PAN3: variants seen among roughly 807,000 people sequenced by gnomAD.
PAN3 encodes poly(A) specific ribonuclease subunit PAN3, also known as PAN2-PAN3 deadenylation complex subunit PAN3.
A neutral mutation model predicts 96.2 loss-of-function variants in PAN3; 19 were observed. The observed-to-expected ratio is 0.20, with a 90% CI of 0.14 to 0.29. PAN3 has a LOEUF of 0.29. PAN3 is among the 10% of genes least tolerant of loss of function. The probability of loss-of-function intolerance (pLI) is 1.00; values close to 1 mark genes in which losing one functional copy is unlikely to be tolerated. For missense variants in PAN3, 882 were observed against 1,108.1 expected, an observed-to-expected ratio of 0.80 and a Z score of 2.90; for synonymous variants, 433 against 406.6, an observed-to-expected ratio of 1.06 and a Z score of -0.78.
chr13:28,262,351 A>G (rs1307991283), intron 9 of PAN3, among the ~76,000 whole-genome samples: 1 of 152,206 alleles, frequency 6.6e-6, no homozygotes, highest in Non-Finnish European at 1.5e-5. Context: ...AAAATTTCAT[A>G]AATAATACAG....
chr13:28,237,164 A>G (rs896057971), intron 6 of PAN3, among the ~76,000 whole-genome samples: 1 of 147,472 alleles, frequency 6.8e-6, no homozygotes, highest in East Asian at 2.0e-4. Context: ...AACATGGAAA[A>G]ATTAATGGAA....
At position 28,174,368 on chromosome 13, in the gene PAN3, T is replaced by C. The variant is rs1236949917; in HGVS notation, c.527T>C (p.Val176Ala). The C allele has an allele frequency of 6.2e-7, 1 of 1,613,194 alleles. No homozygotes were observed. The highest frequency in any genetic ancestry group is 8.5e-7 in the Non-Finnish European group (1 of 1,179,396). ...GGAGTCAATGGATTTGGAAGCCCTG[T>C]AGAAACAAAATATCCCCTGATGCAG... is the stretch of plus-strand genomic sequence containing the variant. ...FIGVNGFGSP[V>A]ETKYPLMQRM... Residue 176 changes from valine to alanine, a missense_variant, in exon 2 of 19, where the codon GTA (valine) becomes GCA (alanine). Around this residue, in one of 3 missense-constraint regions of PAN3, gnomAD observed 442 missense variants for 422.8 expected, o/e 1.05. Coordinates refer to ENST00000380958, the MANE Select transcript of PAN3 (RefSeq NM_175854.8).
At chr13:28,259,822 G>A (rs1473596132) in intron 7 of PAN3, among the ~76,000 whole-genome samples, 1 of 151,768 alleles carries the variant, frequency 6.6e-6, no homozygotes, top group Non-Finnish European at 1.5e-5. Context: ...ATTTTCAGTA[G>A]AGACCAGGTT....
rs1460861571 is a variant in PAN3 at position 28,139,025 on chromosome 13, G to C, written c.368G>C (p.Gly123Ala). The change falls in exon 1 of 19, where the codon GGG becomes GCG. Residue 123 changes from glycine to alanine, a missense_variant. Gly to Ala is a moderately conservative substitution (Grantham distance 60). Transcript: ENST00000380958. ...GPKKPDLGDP[G>A]TGAAAGGGGS... ...AAGAAGCCGGACCTGGGGGACCCGG[G>C]GACCGGAGCCGCAGCCGGCGGAGGA... is the stretch of plus-strand genomic sequence containing the variant. 7.8e-7 allele frequency: 1 copy of C among 1,275,088 alleles called. No homozygotes were observed. The highest frequency in any genetic ancestry group is 9.9e-7 in the Non-Finnish European group (1 of 1,011,216). The allele number at this position is 1,275,088 out of a possible 1,614,324, so 79.0% of individuals were successfully genotyped here.
At chr13:28,187,658 G>A (rs547668960) in intron 4 of PAN3, among the ~76,000 whole-genome samples, 8 of 152,302 alleles carry the variant, frequency 5.3e-5, no homozygotes, top group Non-Finnish European at 8.8e-5. Context: ...ACAAATACGT[G>A]TATATGTGTT....
intron 4 of PAN3, among the ~76,000 whole-genome samples, chr13:28,187,758 C>T (rs908188015): frequency 2.2e-4 from 33 of 152,190 alleles, no homozygotes; most frequent in African/African-American, 7.5e-4. Context: ...CAGTGTCTTG[C>T]CCTGTTTCCC....
intron 15 of PAN3, among the ~76,000 whole-genome samples, chr13:28,277,693 C>T (rs918246058): frequency 1.3e-5 from 2 of 152,246 alleles, no homozygotes; most frequent in East Asian, 1.9e-4. Flanking sequence ...ACACTAGTCA[C>T]ATTTCAAGAG....
At chr13:28,171,723 C>T (rs538639132) in intron 1 of PAN3, among the ~76,000 whole-genome samples, 11 of 152,204 alleles carry the variant, frequency 7.2e-5, no homozygotes, top group South Asian at 6.2e-4. Flanking sequence ...GGCCCACAAA[C>T]TCCTTGAACC....
intron 6 of PAN3, among the ~76,000 whole-genome samples, chr13:28,235,589 A>G (rs1278419154): frequency 6.6e-6 from 1 of 151,802 alleles, no homozygotes; most frequent in African/African-American, 2.4e-5. Flanking sequence ...AGTCATAGCT[A>G]CTTCTCTGGT....
rs538989275 is a variant in PAN3, at chr13:28,148,727, A to G, written c.430+9640A>G. ...ATGTCTAACACATTAACACACATAT[A>G]TACACATATGCATGAGTGCACACAT... On this transcript the variant is annotated intron_variant, in intron 1 of 18. Transcript: ENST00000380958. Among the ~76,000 whole-genome samples the G allele has an allele frequency of 2.0e-5, 3 of 152,200 alleles. No homozygotes were observed. The East Asian group carries it at 5.8e-4, about 29-fold the overall frequency.
rs750341824 is a variant in PAN3 at position 28,220,279 on chromosome 13, T to G, written c.901T>G (p.Ser301Ala). The change falls in exon 6 of 19, where the codon TCC (serine) becomes GCC (alanine). Residue 301 changes from serine (S) to alanine (A), a missense_variant. Transcript: ENST00000380958. The stretch of plus-strand genomic sequence containing the variant: ...GTTTATTCCTAAAGGAGGATCAACC[T>G]CCAGGCTGAGTAACGTGTCCCAGTC... ...SEFIPKGGST[S>A]RLSNVSQSNM... 14 of 1,613,848 alleles carry G rather than the reference T, an allele frequency of 8.7e-6. No individual in the cohort carries two copies. The highest frequency in any genetic ancestry group is 1.0e-5 in the Non-Finnish European group (12 of 1,179,804).
At chr13:28,209,702 A>G (rs1879797746) in intron 5 of PAN3, among the ~76,000 whole-genome samples, 1 of 152,042 alleles carries the variant, frequency 6.6e-6, no homozygotes, top group African/African-American at 2.4e-5. Context: ...GATCAAGGGC[A>G]TGCTTATTCT....
chr13:28,138,452 C>T (rs191977107), upstream of PAN3: 2,523 of 276,864 alleles, frequency 9.1e-3, 31 homozygotes, highest in Admixed American at 0.012. Flanking sequence ...TCCCAACTCT[C>T]CCCCTACCCT....
chr13:28,257,784 A>ATAT (rs1885333177), intron 7 of PAN3, among the ~76,000 whole-genome samples: 1 of 139,666 alleles, frequency 7.2e-6, no homozygotes, highest in Non-Finnish European at 1.5e-5. Flanking sequence ...TAAATTATAT[A>ATAT]TAATATATAA....
chr13:28,153,072 G>T (rs925998177), intron 1 of PAN3, among the ~76,000 whole-genome samples: 1 of 152,082 alleles, frequency 6.6e-6, no homozygotes, highest in Non-Finnish European at 1.5e-5. Context: ...CTGATCTGAC[G>T]TAGGGAAAAG....
intron 1 of PAN3, among the ~76,000 whole-genome samples, chr13:28,150,629 T>C (rs1423156091): frequency 3.5e-5 from 5 of 142,822 alleles, no homozygotes; most frequent in Non-Finnish European, 7.5e-5. Context: ...AGAGCGAGAC[T>C]CTGTCTCCAA....
intron 5 of PAN3, among the ~76,000 whole-genome samples, chr13:28,216,983 G>A (rs530369250): frequency 8.6e-5 from 13 of 151,568 alleles, no homozygotes; most frequent in East Asian, 2.0e-4. Flanking sequence ...GTGCGGTGGC[G>A]GGCGCCTGTA....
At chr13:28,283,488 A>G (rs915461694) in intron 17 of PAN3, among the ~76,000 whole-genome samples, 4 of 152,164 alleles carry the variant, frequency 2.6e-5, no homozygotes, top group African/African-American at 9.7e-5. Context: ...AGTTTCCCCC[A>G]TCAGTCTATA....
At chr13:28,235,834 G>A (rs1390889972) in intron 6 of PAN3, among the ~76,000 whole-genome samples, 1 of 151,110 alleles carries the variant, frequency 6.6e-6, no homozygotes, top group Admixed American at 6.6e-5. Flanking sequence ...GTCTCACCCT[G>A]TGGAGTAGCT....
Sources: allele counts gnomAD v4.1 joint callset (sites outside exome capture counted in the v4.1 genomes callset), GRCh38; gene constraint gnomAD v4.1.1; regional missense constraint gnomAD v4.1.1; transcripts MANE v1.5; gene names NCBI Gene and HGNC (gene_info 2026-07-23, HGNC 2026-07-21).